The following CEP128 variants were observed in gnomAD, a reference collection of about 807,000 sequenced individuals.
CEP128 encodes centrosomal protein 128, also known as centrosomal protein 128kDa.
Under a neutral mutation model 156.7 loss-of-function variants are expected in CEP128, and 132 were observed. The observed-to-expected ratio is 0.84, with a 90% CI of 0.73 to 0.97. The LOEUF is 0.97. Ranked by LOEUF, CEP128 falls within the 50% of genes least tolerant of loss-of-function variation. The probability of loss-of-function intolerance (pLI) is 0.00; values close to 1 mark genes in which losing one functional copy is unlikely to be tolerated. For missense variants in CEP128, 1,252 were observed against 1,281.9 expected (o/e 0.98, Z 0.36); for synonymous variants, 469 against 448.9 (o/e 1.04, Z -0.57).
intron 19 of CEP128, among the ~76,000 whole-genome samples, chr14:80,682,220 A>C (rs1373717882): frequency 6.6e-6 from 1 of 152,240 alleles, no homozygotes; most frequent in African/African-American, 2.4e-5. Context: ...CTTCTAAAGC[A>C]ATCCAGTAAG....
chr14:80,633,557 T>C (rs1003064409), intron 19 of CEP128, among the ~76,000 whole-genome samples: 1 of 152,156 alleles, frequency 6.6e-6, no homozygotes, highest in African/African-American at 2.4e-5. Context: ...AAACTGAAGT[T>C]CTTTCATTTC....
At chr14:80,613,933 A>T (rs1480281909) in intron 19 of CEP128, among the ~76,000 whole-genome samples, 2 of 152,220 alleles carry the variant, frequency 1.3e-5, no homozygotes, top group Non-Finnish European at 2.9e-5. Context: ...GTAAAGGAAG[A>T]CATTTAATGA....
At chr14:80,515,880 C>A (rs900507833) in intron 23 of CEP128, among the ~76,000 whole-genome samples, 1 of 152,086 alleles carries the variant, frequency 6.6e-6, no homozygotes, top group Non-Finnish European at 1.5e-5. Flanking sequence ...TACGTTTTTT[C>A]TTTCTGAGAT....
At chr14:80,588,856 C>A (rs1891929363) in intron 19 of CEP128, among the ~76,000 whole-genome samples, 2 of 152,064 alleles carry the variant, frequency 1.3e-5, no homozygotes, top group South Asian at 2.1e-4. Context: ...TTTTGCTAAA[C>A]CTCCAGGTGG....
At chr14:80,917,116 T>C (rs890126069) in intron 2 of CEP128, among the ~76,000 whole-genome samples, 3 of 152,160 alleles carry the variant, frequency 2.0e-5, no homozygotes, top group Admixed American at 6.5e-5. Flanking sequence ...AGATACAAAT[T>C]CTACAATAAC....
chr14:80,842,321 C>A (rs1452877970), intron 9 of CEP128, among the ~76,000 whole-genome samples: 1 of 151,976 alleles, frequency 6.6e-6, no homozygotes, highest in Non-Finnish European at 1.5e-5. Flanking sequence ...TACATTTCCA[C>A]TATATCATCT....
intron 17 of CEP128, among the ~76,000 whole-genome samples, chr14:80,757,920 T>A (rs1899751093): frequency 6.6e-6 from 1 of 152,164 alleles, no homozygotes; most frequent in Non-Finnish European, 1.5e-5. Context: ...TCTCACCCAA[T>A]TCTCATATCC....
intron 23 of CEP128, among the ~76,000 whole-genome samples, chr14:80,522,368 C>T (rs1888784226): frequency 6.6e-6 from 1 of 152,190 alleles, no homozygotes; most frequent in Non-Finnish European, 1.5e-5. Context: ...ATATCACACA[C>T]ATGCTTACAT....
At chr14:80,775,244 C>T (rs1282095447) in intron 16 of CEP128, among the ~76,000 whole-genome samples, 10 of 152,108 alleles carry the variant, frequency 6.6e-5, no homozygotes, top group Non-Finnish European at 1.3e-4. Flanking sequence ...CCTAAAGCCA[C>T]GCAGGTAGGA....
intron 18 of CEP128, among the ~76,000 whole-genome samples, chr14:80,753,770 A>G (rs566838127): frequency 3.3e-5 from 5 of 152,324 alleles, no homozygotes; most frequent in South Asian, 2.1e-4. Flanking sequence ...GAATTTGCCT[A>G]TCTGGGACAC....
At chr14:80,916,252 A>C in intron 3 of CEP128, 149 bp downstream of exon 3, 3 of 650,214 alleles carry the variant, frequency 4.6e-6, no homozygotes, top group Non-Finnish European at 5.3e-6. Flanking sequence ...TCTGATGTAC[A>C]AGACCTTAAG....
chr14:80,808,233 G>C (rs1595434135), intron 13 of CEP128, among the ~76,000 whole-genome samples: 2 of 152,204 alleles, frequency 1.3e-5, no homozygotes, highest in South Asian at 4.1e-4. Context: ...AGCCAATACA[G>C]TAGCCAGATG....
intron 23 of CEP128, among the ~76,000 whole-genome samples, chr14:80,513,804 C>T (rs1888367195): frequency 6.6e-6 from 1 of 152,116 alleles, no homozygotes; most frequent in East Asian, 1.9e-4. Flanking sequence ...AATATTTTAC[C>T]CCAAAACACG....
At chr14:80,704,163 T>C (rs1897160822) in intron 19 of CEP128, among the ~76,000 whole-genome samples, 1 of 152,036 alleles carries the variant, frequency 6.6e-6, no homozygotes, top group Non-Finnish European at 1.5e-5. Flanking sequence ...TGAAAGCATC[T>C]CTGGGAAATA....
At chr14:80,811,840 A>AGATAGATAGATAGAT (rs1566643948) in intron 13 of CEP128, among the ~76,000 whole-genome samples, 1 of 152,126 alleles carries the variant, frequency 6.6e-6, no homozygotes, top group Non-Finnish European at 1.5e-5. Context: ...ATAGATAGAT[A>AGATAGATAGATAGAT]GATAGATGAT....
chr14:80,570,412 G>C (rs548107050), intron 20 of CEP128, among the ~76,000 whole-genome samples: 1 of 152,034 alleles, frequency 6.6e-6, no homozygotes, highest in African/African-American at 2.4e-5. Flanking sequence ...CATCGTGCCC[G>C]GCCCATATGT....
At chr14:80,687,983 ACTT>A (rs1896585432) in intron 19 of CEP128, among the ~76,000 whole-genome samples, 1 of 152,286 alleles carries the variant, frequency 6.6e-6, no homozygotes, top group East Asian at 1.9e-4. Flanking sequence ...TCATTTATTT[ACTT>A]CTTCTCCTTT....
rs569428659 is a variant in CEP128 at position 80,709,935 on chromosome 14, A to C, written c.2806+33140T>G. ...AGTAAATTATTGTATCACTATAACA[A>C]ATCTAAAAACTAGGAGAAAAATTAA... On this transcript the variant is annotated intron_variant, in intron 19 of 24. Coordinates refer to ENST00000555265, the MANE Select transcript of CEP128 (RefSeq NM_152446.5). Among the ~76,000 whole-genome samples, 15 of 152,158 alleles carry C rather than the reference A, an allele frequency of 9.9e-5. No homozygotes were observed. In the East Asian group the frequency reaches 2.9e-3, roughly 29 times the overall value.
intron 2 of CEP128, among the ~76,000 whole-genome samples, chr14:80,951,888 T>C (rs763184154): frequency 4.6e-5 from 7 of 151,894 alleles, no homozygotes; most frequent in Non-Finnish European, 8.8e-5. Flanking sequence ...GCAAAGGATA[T>C]CACAAGGTAT....
Sources: gnomAD v4.1 joint callset for allele counts (sites outside exome capture counted in the v4.1 genomes callset) on GRCh38, gnomAD v4.1.1 for gene constraint, MANE v1.5 for transcripts, NCBI Gene and HGNC (gene_info 2026-07-23, HGNC 2026-07-21) for gene names.